The following CD226 variants were observed in gnomAD, a reference collection of about 807,000 sequenced individuals.
CD226 encodes the protein CD226 antigen.
Under a neutral mutation model 34.9 loss-of-function variants are expected in CD226, and 24 were observed. The observed-to-expected ratio is 0.69, with a 90% CI of 0.50 to 0.97. The LOEUF (loss-of-function observed/expected upper bound fraction) is 0.97. Among genes scored for constraint, CD226 ranks in the 50% least tolerant of loss-of-function variants. The pLI, the probability that CD226 is intolerant of heterozygous loss-of-function variation, is 0.00. For synonymous variants in CD226, 148 were observed against 147.4 expected, an observed-to-expected ratio of 1.00 and a Z score of -0.03; for missense variants, 397 against 412.7, an observed-to-expected ratio of 0.96 and a Z score of 0.33.
intron 2 of CD226, among the ~76,000 whole-genome samples, chr18:69,925,701 T>C (rs757952257): frequency 1.2e-4 from 18 of 152,306 alleles, no homozygotes; most frequent in Middle Eastern, 3.4e-3. Context: ...AATAGACTTC[T>C]GCCCAGCCTC....
chr18:69,902,570 A>G (rs1267692502), intron 2 of CD226, among the ~76,000 whole-genome samples: 1 of 151,004 alleles, frequency 6.6e-6, no homozygotes, highest in East Asian at 2.0e-4. Context: ...GTCCCTAAAA[A>G]AAAATGTGTG....
At chr18:69,946,216 GAAGA>G (rs1311458357) in intron 2 of CD226, among the ~76,000 whole-genome samples, 5 of 121,290 alleles carry the variant, frequency 4.1e-5, no homozygotes, top group South Asian at 2.7e-4. Context: ...AAAGAAGGAA[GAAGA>G]AAGAAAGACA....
rs1024436054 is a variant in CD226, at chr18:69,860,580, C to A, written c.*3734G>T. ...AGCTATTTTTCTACCTATTGAATCA[C>A]TAGAAATAGAGAAGCTTTTAAAAAA... On this transcript the variant is annotated 3_prime_UTR_variant, in exon 6 of 6. Coordinates refer to ENST00000582621, the MANE Select transcript of CD226 (RefSeq NM_001303618.2). 2 of 152,060 alleles carry A rather than the reference C, an allele frequency of 1.3e-5. No homozygotes were observed. The highest frequency in any genetic ancestry group is 1.5e-5 in the Non-Finnish European group (1 of 67,998). The allele number at this position is 152,060 out of a possible 1,614,324, so 9.4% of individuals were successfully genotyped here.
intron 1 of CD226, among the ~76,000 whole-genome samples, chr18:69,954,825 G>A (rs577215416): frequency 2.6e-5 from 4 of 152,214 alleles, no homozygotes; most frequent in South Asian, 2.1e-4. Context: ...CAGCTGTTAC[G>A]ACTTTGCTAG....
rs966536229 is a variant in CD226 at position 69,856,950 on chromosome 18, C to G, written c.*7364G>C. 6.6e-6 allele frequency: 1 copy of G among 152,270 alleles called. No individual in the cohort carries two copies. The highest frequency in any genetic ancestry group is 2.1e-4 in the South Asian group (1 of 4,816). The allele number at this position is 152,270 out of a possible 1,614,324, so 9.4% of individuals were successfully genotyped here. A position where few individuals can be genotyped will look rare whatever the true frequency, so the allele number is the denominator to read the frequency against. The stretch of plus-strand genomic sequence containing the variant: ...TTGGGAGGCCGAGGCGGGCGGATCA[C>G]GAGGTCAGGAGATCGAGACCACCCT... On this transcript the variant is annotated 3_prime_UTR_variant, in exon 6 of 6. Transcript: ENST00000582621.
Position 69,864,120 on chromosome 18 carries a change from C to T in CD226, c.*194G>A. Reference sequence around the variant, plus strand: ...CAGTAAGTTTTCTTTTGTATATAAACCAGTTAGAGTCAGGTTTTCTGAAAC... The same window carrying T: ...CAGTAAGTTTTCTTTTGTATATAAATCAGTTAGAGTCAGGTTTTCTGAAAC... On this transcript the variant is annotated 3_prime_UTR_variant, in exon 6 of 6. Transcript: ENST00000582621. 1.8e-6 allele frequency: 1 copy of T among 556,304 alleles called. No individual in the cohort carries two copies. The allele number at this position is 556,304 out of a possible 1,614,324, so 34.5% of individuals were successfully genotyped here.
In CD226 at chr18:69,856,431, A is replaced by C. The variant is rs1195077463; in HGVS notation, c.*7883T>G. The C allele has an allele frequency of 6.6e-6, 1 of 152,206 alleles. No homozygotes were observed. The highest frequency in any genetic ancestry group is 1.5e-5 in the Non-Finnish European group (1 of 68,022). 9.4% of individuals were successfully genotyped at this position (152,206 alleles called of 1,614,324 possible). On this transcript the variant is annotated 3_prime_UTR_variant, in exon 6 of 6. Transcript: ENST00000582621. ...AGGGAAAATCAGAAAGGATATAGAT[A>C]ATCTGAACGGTGGTATCAATCAGTT...
chr18:69,872,057 G>GGT (rs201644137), intron 4 of CD226, among the ~76,000 whole-genome samples: 47,830 of 143,260 alleles, frequency 0.33, 8,439 homozygotes, highest in East Asian at 0.43. Flanking sequence ...ATTAACAAGG[G>GGT]GTGTGTGTGT....
intron 5 of CD226, among the ~76,000 whole-genome samples, chr18:69,865,705 AT>A (rs1983099689): frequency 6.6e-6 from 1 of 152,248 alleles, no homozygotes; most frequent in Admixed American, 6.5e-5. Flanking sequence ...AACAAAAAAA[AT>A]ATTTTTTGCA....
intron 2 of CD226, among the ~76,000 whole-genome samples, chr18:69,910,225 C>T (rs1319803818): frequency 1.3e-5 from 2 of 152,214 alleles, no homozygotes; most frequent in Non-Finnish European, 2.9e-5. Context: ...TGGAGACTTG[C>T]GTCCAAAGAC....
intron 2 of CD226, among the ~76,000 whole-genome samples, chr18:69,901,516 C>T (rs1329887763): frequency 6.6e-6 from 1 of 152,140 alleles, no homozygotes; most frequent in African/African-American, 2.4e-5. Flanking sequence ...ATACTGGTCA[C>T]AGGGGAACTG....
At chr18:69,898,648 C>CCCTGGCTCTAA (rs1985437377) in intron 2 of CD226, among the ~76,000 whole-genome samples, 1 of 152,202 alleles carries the variant, frequency 6.6e-6, no homozygotes, top group Non-Finnish European at 1.5e-5. Flanking sequence ...GGTTCAGAAG[C>CCCTGGCTCTAA]TCAGAGTAGC....
upstream of CD226, among the ~76,000 whole-genome samples, chr18:69,948,291 T>C (rs566315117): frequency 6.6e-6 from 1 of 152,274 alleles, no homozygotes; most frequent in East Asian, 1.9e-4. Context: ...AGGTACAAGT[T>C]CCAATTCTTA....
At chr18:69,890,845 T>C (rs945142841) in intron 3 of CD226, among the ~76,000 whole-genome samples, 1 of 152,162 alleles carries the variant, frequency 6.6e-6, no homozygotes, top group Non-Finnish European at 1.5e-5. Flanking sequence ...GCTTCACAGA[T>C]GAATTCTATC....
chr18:69,870,272 CTT>C (rs66643759), intron 4 of CD226, among the ~76,000 whole-genome samples: 29 of 124,084 alleles, frequency 2.3e-4, no homozygotes, highest in South Asian at 2.0e-3. Context: ...TTGGCTCCCC[CTT>C]TTTTTTTTTT....
intron 2 of CD226, among the ~76,000 whole-genome samples, chr18:69,920,986 T>G (rs1403837314): frequency 6.6e-6 from 1 of 152,200 alleles, no homozygotes; most frequent in Non-Finnish European, 1.5e-5. Flanking sequence ...TGTATTTGTC[T>G]TTTTCCCATC....
chr18:69,950,216 T>C (rs2055839796), upstream of CD226, among the ~76,000 whole-genome samples: 1 of 151,862 alleles, frequency 6.6e-6, no homozygotes. Flanking sequence ...ATGCATGCGT[T>C]TACACATGCT....
rs1244902892 is a variant in CD226 at position 69,946,972 on chromosome 18, C to A, written c.144G>T (p.Val48=). 5 of 1,614,152 alleles carry A rather than the reference C, an allele frequency of 3.1e-6. No homozygotes were observed. Among genetic ancestry groups the A allele is most frequent in the Non-Finnish European group, 4.2e-6 (5 of 1,179,998 alleles). Residue 48 remains valine (V), a synonymous_variant, in exon 2 of 6, where the codon GTG becomes GTT. Transcript: ENST00000582621. ...VYPSMGILTQ[V]EWFKIGTQQD... is the part of the protein sequence containing the mutation. Reference sequence around the variant, plus strand: ...GCTGGGTCCCGATCTTGAACCACTCCACCTGTGTTAAGATGCCCATTGATG... The same window carrying A: ...GCTGGGTCCCGATCTTGAACCACTCAACCTGTGTTAAGATGCCCATTGATG...
intron 2 of CD226, among the ~76,000 whole-genome samples, chr18:69,911,377 A>C (rs1383471483): frequency 6.6e-6 from 1 of 152,228 alleles, no homozygotes; most frequent in Non-Finnish European, 1.5e-5. Flanking sequence ...ATATTGAGCT[A>C]TTAAAAGTCT....
Sources: gnomAD v4.1 joint callset for allele counts (sites outside exome capture counted in the v4.1 genomes callset) on GRCh38, gnomAD v4.1.1 for gene constraint, MANE v1.5 for transcripts, NCBI Gene and HGNC (gene_info 2026-07-23, HGNC 2026-07-21) for gene names.